Variants in RNASEH2B observed in about 807,000 individuals in gnomAD.
RNASEH2B encodes the protein ribonuclease H2 subunit B.
RNASEH2B carries 36 observed loss-of-function variants against 45.0 expected under a neutral mutation model. That is an observed-to-expected ratio of 0.80 (90% CI 0.61 to 1.06). The LOEUF is 1.06. Ranked by LOEUF, RNASEH2B falls within the 50% of genes least tolerant of loss-of-function variation. The pLI is 0.00. For missense variants in RNASEH2B, 361 were observed against 360.3 expected, an observed-to-expected ratio of 1.00 and a Z score of -0.02; for synonymous variants, 119 against 125.7, an observed-to-expected ratio of 0.95 and a Z score of 0.35.
At chr13:50,950,139 GC>G (rs1173381970) in intron 9 of RNASEH2B, 1 of 152,412 alleles carries the variant, frequency 6.6e-6, no homozygotes, top group African/African-American at 2.4e-5. Flanking sequence ...TTCAGCCCAG[GC>G]CAGATCTCAG....
chr13:50,914,812 A>G (rs1879644058), intron 1 of RNASEH2B, among the ~76,000 whole-genome samples: 1 of 152,190 alleles, frequency 6.6e-6, no homozygotes, highest in Admixed American at 6.5e-5. Flanking sequence ...AAATTCATAA[A>G]AGGAAAGCAA....
chr13:50,939,077 A>T (rs1481074885), intron 5 of RNASEH2B: 1 of 152,470 alleles, frequency 6.6e-6, no homozygotes, highest in Admixed American at 6.5e-5. Flanking sequence ...GCTGTGGGCC[A>T]GGCACGGTGG....
At chr13:50,967,614 C>T (rs570006524) in intron 9 of RNASEH2B, among the ~76,000 whole-genome samples, 30 of 152,334 alleles carry the variant, frequency 2.0e-4, no homozygotes, top group African/African-American at 7.0e-4. Flanking sequence ...CACATCCAGA[C>T]TCTACCACAT....
intron 1 of RNASEH2B, chr13:50,912,124 A>G (rs1478462107): frequency 6.6e-6 from 1 of 152,360 alleles, no homozygotes; most frequent in East Asian, 1.9e-4. Flanking sequence ...TGCTAGAAAG[A>G]GCTGTGTGGT....
At chr13:50,920,322 A>C (rs1412750579) in intron 1 of RNASEH2B, among the ~76,000 whole-genome samples, 1 of 152,208 alleles carries the variant, frequency 6.6e-6, no homozygotes, top group Non-Finnish European at 1.5e-5. Flanking sequence ...TACTGGGATT[A>C]CAAGTGTGAG....
rs1566082822 is a variant in RNASEH2B at position 50,935,421 on chromosome 13, T to C, written c.436+422T>C. 3 of 213,610 alleles carry C rather than the reference T, an allele frequency of 1.4e-5. No individual in the cohort carries two copies. In the South Asian group the frequency reaches 2.2e-4, roughly 16 times the overall value. 13.2% of individuals were successfully genotyped at this position (213,610 alleles called of 1,614,324 possible). A position where few individuals can be genotyped will look rare whatever the true frequency, so the allele number is the denominator to read the frequency against. ...ATTAGTGCTAAGCTCTAGATACTTA[T>C]GAATAAGACATTGTCCTTTTCTTCA... On this transcript the variant is annotated intron_variant, in intron 5 of 10. Transcript: ENST00000336617.
At position 50,954,270 on chromosome 13, in the gene RNASEH2B, G is replaced by T. The variant is rs1203980292; in HGVS notation, c.822+285G>T. The T allele has an allele frequency of 9.6e-6, 5 of 521,656 alleles. No homozygotes were observed. The East Asian group carries it at 1.5e-4, about 16-fold the overall frequency. The allele number at this position is 521,656 out of a possible 1,614,324, so 32.3% of individuals were successfully genotyped here. A position where few individuals can be genotyped will look rare whatever the true frequency, so the allele number is the denominator to read the frequency against. The stretch of plus-strand genomic sequence containing the variant: ...GATAGGGTGGGAAAGGAGGGAGGAA[G>T]CTCTACAGGTAATTTTTTGTCAACC... On this transcript the variant is annotated intron_variant, in intron 10 of 10. Transcript: ENST00000336617.
downstream of RNASEH2B, chr13:50,960,039 C>T: frequency 2.5e-6 from 1 of 404,662 alleles, no homozygotes; most frequent in East Asian, 3.7e-5. Context: ...TTAAGAATAC[C>T]TTTCACTAAT....
At position 50,942,737 on chromosome 13, in the gene RNASEH2B, T is replaced by C. The variant is rs1394530585; in HGVS notation, c.437-584T>C. The C allele has an allele frequency of 2.6e-5, 4 of 152,598 alleles. 1 individual carries two copies. The highest frequency in any genetic ancestry group is 9.6e-5 in the African/African-American group (4 of 41,464). 9.5% of individuals were successfully genotyped at this position (152,598 alleles called of 1,614,324 possible). ...CACAGCCTCAGGAAGTCCTGAGACA[T>C]GTGCCCCACGGTGGTTGGGGGTACA... is the stretch of plus-strand genomic sequence containing the variant. On this transcript the variant is annotated intron_variant, in intron 5 of 10. Transcript: ENST00000336617.
chr13:50,943,264 C>T (rs1318093292), intron 5 of RNASEH2B, 57 bp from the exon 6 acceptor site: 2 of 997,896 alleles, frequency 2.0e-6, no homozygotes, highest in Admixed American at 1.9e-5. Context: ...TATGATACAA[C>T]CTTAGGAGTT....
downstream of RNASEH2B, among the ~76,000 whole-genome samples, chr13:50,960,813 A>G (rs993209660): frequency 2.6e-4 from 39 of 152,260 alleles, no homozygotes; most frequent in African/African-American, 9.4e-4. Flanking sequence ...ATTTTTTCCA[A>G]TGTTCTGGAA....
intron 3 of RNASEH2B, 92 bp downstream of exon 3, chr13:50,929,674 T>C (rs1206514613): frequency 3.7e-6 from 3 of 816,744 alleles, no homozygotes; most frequent in Non-Finnish European, 6.3e-6. Context: ...GTCACCGGGT[T>C]TGGAGTCTGG....
chr13:50,909,785 C>G (rs544448663), upstream of RNASEH2B: 1,093 of 333,656 alleles, frequency 3.3e-3, 13 homozygotes, highest in African/African-American at 0.022. Context: ...GCGATGAGCA[C>G]CTACCACTAG....
rs1039604712 is a variant in RNASEH2B, at chr13:50,954,195, T to C, written c.822+210T>C. Reference sequence around the variant, plus strand: ...CTTATTATTAGTCAGAGAAAAACAATATACTACTTATCAAGAGTGTGCCTA... The same window carrying C: ...CTTATTATTAGTCAGAGAAAAACAACATACTACTTATCAAGAGTGTGCCTA... On this transcript the variant is annotated intron_variant, in intron 10 of 10. Transcript: ENST00000336617. 8.0e-6 allele frequency: 5 copies of C among 624,264 alleles called. No individual in the cohort carries two copies. The African/African-American group carries it at 9.2e-5, about 11-fold the overall frequency. 38.7% of individuals were successfully genotyped at this position (624,264 alleles called of 1,614,324 possible).
chr13:50,937,018 G>A (rs995993212), intron 5 of RNASEH2B: 1 of 151,898 alleles, frequency 6.6e-6, no homozygotes, highest in African/African-American at 2.4e-5. Context: ...AAAACCCTAG[G>A]CCTCAATTTT....
intron 9 of RNASEH2B, chr13:50,952,934 A>C (rs913477967): frequency 1.3e-5 from 2 of 152,156 alleles, no homozygotes; most frequent in Non-Finnish European, 2.9e-5. Context: ...ATAAAACACC[A>C]TGGGCTGTGG....
rs538507033 is a variant in RNASEH2B at position 50,966,515 on chromosome 13, T to TA, written c.742-3417_742-3416insA. 3.5e-5 allele frequency among the ~76,000 whole-genome samples: 5 copies of TA among 143,218 alleles called. No individual in the cohort carries two copies. In the South Asian group the frequency reaches 6.4e-4, roughly 18 times the overall value. 94.0% of individuals were successfully genotyped at this position (143,218 alleles called of 152,430 possible). The stretch of plus-strand genomic sequence containing the variant: ...TCCATCTTTTTCATCAAGCCATATA[T>TA]TTTTTTTTTTCTGAAACTGATCACA... On this transcript the variant is annotated intron_variant, in intron 9 of 9. Transcript: ENST00000422660.
rs148811739 is a variant in RNASEH2B, at chr13:50,929,541, A to G, written c.203A>G (p.Glu68Gly). The change falls in exon 3 of 11, where the codon GAA becomes GGA. Residue 68 changes from glutamate (E) to glycine (G), a missense_variant. Glu to Gly is a moderately conservative substitution (Grantham distance 98). Coordinates refer to ENST00000336617, the MANE Select transcript of RNASEH2B (RefSeq NM_024570.4). ...CTGTTTGAAGTAAAAGTTTTCAAGG[A>G]AAAACACCATTCTTGGTTTATAAAT... Reference protein sequence around the residue: ...QQLFEVKVFKEKHHSWFINQS... With the variant: ...QQLFEVKVFKGKHHSWFINQS... 340 of 1,613,350 alleles carry G rather than the reference A, an allele frequency of 2.1e-4. 1 individual carries two copies. In the African/African-American group the frequency reaches 4.0e-3, roughly 19 times the overall value.
intron 1 of RNASEH2B, among the ~76,000 whole-genome samples, chr13:50,926,286 G>T (rs1241803797): frequency 6.6e-6 from 1 of 152,136 alleles, no homozygotes; most frequent in African/African-American, 2.4e-5. Context: ...CTGAAGTAGA[G>T]TAAAGGGAGT....
Sources: gnomAD v4.1 joint callset for allele counts (sites outside exome capture counted in the v4.1 genomes callset) on GRCh38, gnomAD v4.1.1 for gene constraint, MANE v1.5 for transcripts, NCBI Gene and HGNC (gene_info 2026-07-23, HGNC 2026-07-21) for gene names.